CPED1: variants seen among roughly 807,000 people sequenced by gnomAD.
CPED1 encodes the protein cadherin-like and PC-esterase domain-containing protein 1.
In CPED1, 114 loss-of-function variants were observed where a neutral mutation model predicts 128.2. The observed-to-expected ratio is 0.89, with a 90% CI of 0.76 to 1.04. The LOEUF is 1.04. Ranked by LOEUF, CPED1 falls within the 50% of genes least tolerant of loss-of-function variation. The pLI, the probability that CPED1 is intolerant of heterozygous loss-of-function variation, is 0.00. For missense variants in CPED1, 1,211 were observed against 1,207.1 expected (o/e 1.00, Z -0.05); for synonymous variants, 462 against 426.7 (o/e 1.08, Z -1.02).
chr7:121,160,121 T>G (rs1796381533), intron 16 of CPED1, among the ~76,000 whole-genome samples: 1 of 152,192 alleles, frequency 6.6e-6, no homozygotes, highest in South Asian at 2.1e-4. Flanking sequence ...TTTTTAATTT[T>G]TATTTAATTT....
At chr7:121,243,919 A>G (rs1798459021) in intron 17 of CPED1, among the ~76,000 whole-genome samples, 1 of 152,228 alleles carries the variant, frequency 6.6e-6, no homozygotes, top group Admixed American at 6.5e-5. Context: ...GTTTAAAAAT[A>G]GGTAATGATT....
intron 5 of CPED1, among the ~76,000 whole-genome samples, chr7:121,072,726 A>G (rs1277999206): frequency 6.6e-6 from 1 of 152,214 alleles, no homozygotes; most frequent in African/African-American, 2.4e-5. Context: ...GGCAGTTCAC[A>G]GACACATTTC....
At chr7:121,128,663 A>G (rs1045914172) in intron 11 of CPED1, among the ~76,000 whole-genome samples, 177 bp downstream of exon 11, 2 of 152,186 alleles carry the variant, frequency 1.3e-5, no homozygotes, top group Non-Finnish European at 2.9e-5. Context: ...ATTTATATGC[A>G]TAACTTTAAG....
At chr7:121,019,715 C>A (rs1792388406) in intron 3 of CPED1, among the ~76,000 whole-genome samples, 1 of 151,986 alleles carries the variant, frequency 6.6e-6, no homozygotes, top group African/African-American at 2.4e-5. Context: ...GCCTACAGAA[C>A]TTAGCAGAGT....
At chr7:121,090,613 G>A (rs1341230258) in intron 5 of CPED1, among the ~76,000 whole-genome samples, 2 of 152,084 alleles carry the variant, frequency 1.3e-5, no homozygotes, top group Admixed American at 6.6e-5. Flanking sequence ...AGATACTCTG[G>A]TCAATGCTAT....
intron 3 of CPED1, among the ~76,000 whole-genome samples, chr7:121,031,365 G>A (rs1792727229): frequency 6.6e-6 from 1 of 152,024 alleles, no homozygotes; most frequent in African/African-American, 2.4e-5. Flanking sequence ...AGGTTGGAGG[G>A]CAGTGGCGTG....
chr7:121,244,126 A>G, intron 17 of CPED1, 76 bp from the exon 18 acceptor site: 2 of 1,543,434 alleles, frequency 1.3e-6, no homozygotes, highest in South Asian at 2.2e-5. Context: ...ATGGTGTGCC[A>G]TAGCTGAATT....
chr7:121,068,860 G>T (rs961259512), intron 5 of CPED1, among the ~76,000 whole-genome samples: 8 of 151,978 alleles, frequency 5.3e-5, no homozygotes, highest in South Asian at 2.1e-4. Context: ...CCTAGGTATT[G>T]TATTCTCTTT....
intron 3 of CPED1, among the ~76,000 whole-genome samples, chr7:121,031,181 C>T (rs944934662): frequency 2.6e-5 from 4 of 152,126 alleles, no homozygotes; most frequent in Non-Finnish European, 4.4e-5. Context: ...GTTTTTTCAA[C>T]TTGTTGCTAT....
chr7:121,290,266 A>G (rs1792668422), intron 22 of CPED1, among the ~76,000 whole-genome samples: 1 of 152,220 alleles, frequency 6.6e-6, no homozygotes, highest in African/African-American at 2.4e-5. Context: ...TGCAATAAAC[A>G]TATGTGTGCA....
chr7:121,182,207 T>TTC, intron 16 of CPED1, among the ~76,000 whole-genome samples: 1 of 151,584 alleles, frequency 6.6e-6, no homozygotes, highest in East Asian at 1.9e-4. Context: ...GAGCTTTTTT[T>TTC]TTTTTTTTTA....
At chr7:121,188,327 A>C (rs1797052004) in intron 16 of CPED1, among the ~76,000 whole-genome samples, 1 of 152,116 alleles carries the variant, frequency 6.6e-6, no homozygotes, top group African/African-American at 2.4e-5. Context: ...GGAGTACATG[A>C]GATGTTTTGA....
chr7:121,114,385 C>T (rs1047091695), intron 7 of CPED1, among the ~76,000 whole-genome samples: 35 of 152,212 alleles, frequency 2.3e-4, no homozygotes, highest in African/African-American at 8.4e-4. Flanking sequence ...ATGCTACCTT[C>T]AAGTTTGTCC....
chr7:121,004,282 A>G (rs1791946935), intron 2 of CPED1, among the ~76,000 whole-genome samples: 1 of 152,166 alleles, frequency 6.6e-6, no homozygotes, highest in Non-Finnish European at 1.5e-5. Context: ...GGGATTGACA[A>G]TGTTAAACAG....
rs534647446 is a variant in CPED1 at position 120,996,337 on chromosome 7, A to C, written c.249+6467A>C. On this transcript the variant is annotated intron_variant, in intron 2 of 22. Coordinates refer to ENST00000310396, the MANE Select transcript of CPED1 (RefSeq NM_024913.5). ...AGAAATTTTTAATAGAGGTAAAAAA[A>C]CCCCACATATTATAAAATTTAACCT... is the stretch of plus-strand genomic sequence containing the variant. Among the ~76,000 whole-genome samples, 7 of 152,258 alleles carry C rather than the reference A, an allele frequency of 4.6e-5. No homozygotes were observed. The South Asian group carries it at 8.3e-4, about 18-fold the overall frequency.
intron 22 of CPED1, among the ~76,000 whole-genome samples, chr7:121,283,363 A>G (rs1792498918): frequency 6.6e-6 from 1 of 152,302 alleles, no homozygotes; most frequent in African/African-American, 2.4e-5. Context: ...ATATTTTGCC[A>G]TCAAGTTCTA....
rs754472602 is a variant in CPED1, at chr7:121,127,095, C to G, written c.1140C>G (p.His380Gln). The G allele has an allele frequency of 3.8e-6, 6 of 1,584,744 alleles. No individual in the cohort carries two copies. In the East Asian group the frequency reaches 1.4e-4, roughly 36 times the overall value. ...SFMYPVVLQV[H>Q]EHLNFQDYDN... ...GTGCTTTTGTTCTTTCAAAGGTACA[C>G]GAGCATTTAAATTTTCAAGATTATG... The change falls in exon 10 of 23, where the codon CAC (histidine) becomes CAG (glutamine). Residue 380 changes from histidine (H) to glutamine (Q), a missense_variant. Physicochemically the swap from His to Gln is conservative, Grantham distance 24. Transcript: ENST00000310396.
intron 3 of CPED1, among the ~76,000 whole-genome samples, chr7:121,041,426 T>C (rs1490076333): frequency 6.6e-6 from 1 of 152,034 alleles, no homozygotes; most frequent in African/African-American, 2.4e-5. Context: ...GTAAACACTG[T>C]GGAGAAGAAT....
intron 18 of CPED1, among the ~76,000 whole-genome samples, chr7:121,260,959 C>T (rs899287352): frequency 1.3e-5 from 2 of 151,894 alleles, no homozygotes; most frequent in Non-Finnish European, 2.9e-5. Flanking sequence ...CAATTCTCTT[C>T]CTGCCGCAAC....
Sources: allele counts gnomAD v4.1 joint callset (sites outside exome capture counted in the v4.1 genomes callset), GRCh38; gene constraint gnomAD v4.1.1; transcripts MANE v1.5; gene names NCBI Gene and HGNC (gene_info 2026-07-23, HGNC 2026-07-21).